The following PACSIN2 variants were observed in gnomAD, a reference collection of about 807,000 sequenced individuals.
PACSIN2 encodes the protein protein kinase C and casein kinase substrate in neurons 2.
In PACSIN2, 25 loss-of-function variants were observed where a neutral mutation model predicts 63.8. The observed-to-expected ratio is 0.39, with a 90% confidence interval of 0.29 to 0.55. PACSIN2 has a LOEUF of 0.55. Ranked by LOEUF, PACSIN2 falls within the 20% of genes least tolerant of loss-of-function variation. The pLI is 0.62. For synonymous variants in PACSIN2, 255 were observed against 256.2 expected (o/e 1.00, Z 0.05); for missense variants, 518 against 646.9 (o/e 0.80, Z 2.16).
intron 2 of PACSIN2, among the ~76,000 whole-genome samples, chr22:42,910,158 C>A (rs932006978): frequency 2.0e-5 from 3 of 152,186 alleles, no homozygotes; most frequent in African/African-American, 7.2e-5. Flanking sequence ...AATGTCTTCA[C>A]CTGTCCCCAT....
chr22:42,932,970 G>A (rs985567080), intron 1 of PACSIN2, among the ~76,000 whole-genome samples: 1 of 152,220 alleles, frequency 6.6e-6, no homozygotes, highest in Non-Finnish European at 1.5e-5. Context: ...GTTAGGAGAC[G>A]AAATGTCCAA....
intron 1 of PACSIN2, among the ~76,000 whole-genome samples, chr22:42,981,755 G>A (rs1922163260): frequency 1.7e-5 from 2 of 117,544 alleles, no homozygotes; most frequent in African/African-American, 6.8e-5. Flanking sequence ...CCGGCCAGTC[G>A]CCCCGTCCAG....
At chr22:42,897,917 T>C (rs1009418228) in intron 2 of PACSIN2, among the ~76,000 whole-genome samples, 2 of 151,832 alleles carry the variant, frequency 1.3e-5, no homozygotes, top group Admixed American at 6.6e-5. Flanking sequence ...AGAAGTCAGC[T>C]GGGAATGGAA....
chr22:42,893,730 C>T (rs1569233457), intron 2 of PACSIN2, 117 bp from the exon 3 acceptor site: 3 of 944,016 alleles, frequency 3.2e-6, no homozygotes, highest in Non-Finnish European at 3.3e-6. Context: ...ATGTTTACCA[C>T]ACCCCTCTCC....
chr22:42,889,573 A>G (rs1929755813), intron 4 of PACSIN2, among the ~76,000 whole-genome samples: 1 of 152,154 alleles, frequency 6.6e-6, no homozygotes, highest in African/African-American at 2.4e-5. Flanking sequence ...AGAAAAGGAG[A>G]CACAGAGAAA....
chr22:42,936,257 C>T (rs1321321881), intron 1 of PACSIN2, among the ~76,000 whole-genome samples: 2 of 151,082 alleles, frequency 1.3e-5, no homozygotes, highest in Admixed American at 1.3e-4. Context: ...ACTCATGAAA[C>T]AGGGATGACA....
At chr22:42,989,412 C>T (rs768427201) in intron 1 of PACSIN2, among the ~76,000 whole-genome samples, 100 of 150,808 alleles carry the variant, frequency 6.6e-4, no homozygotes, top group Non-Finnish European at 1.3e-3. Context: ...GCAGGAGAAT[C>T]GCTTGAACCT....
intron 1 of PACSIN2, among the ~76,000 whole-genome samples, chr22:42,982,877 A>ACAAAAAACAAAAAAC (rs1309806479): frequency 7.7e-6 from 1 of 129,588 alleles, no homozygotes; most frequent in African/African-American, 3.1e-5. Context: ...AATAAAAAAA[A>ACAAAAAACAAAAAAC]AAAAAAAAAA....
At chr22:42,994,233 G>T (rs548000122) in intron 1 of PACSIN2, among the ~76,000 whole-genome samples, 47 of 152,338 alleles carry the variant, frequency 3.1e-4, no homozygotes, top group African/African-American at 1.1e-3. Context: ...GTGGTAAGAA[G>T]GGCTGAGCAG....
intron 1 of PACSIN2, among the ~76,000 whole-genome samples, chr22:42,977,901 A>C (rs1423871243): frequency 1.3e-5 from 2 of 152,186 alleles, no homozygotes; most frequent in African/African-American, 4.8e-5. Flanking sequence ...GAGTCAATTA[A>C]ACCTCTTTTC....
At chr22:43,013,064 T>A (rs941299581) in intron 1 of PACSIN2, among the ~76,000 whole-genome samples, 1 of 152,208 alleles carries the variant, frequency 6.6e-6, no homozygotes, top group African/African-American at 2.4e-5. Flanking sequence ...AGTGCTGGGA[T>A]CCCAGGCGTG....
chr22:42,890,704 G>C (rs1193929936), intron 4 of PACSIN2, among the ~76,000 whole-genome samples: 1 of 152,176 alleles, frequency 6.6e-6, no homozygotes, highest in Non-Finnish European at 1.5e-5. Context: ...GAGAGAGTGA[G>C]ACTTTGTCTC....
intron 1 of PACSIN2, among the ~76,000 whole-genome samples, chr22:43,003,133 TG>T (rs1923869472): frequency 6.6e-6 from 1 of 152,212 alleles, no homozygotes; most frequent in African/African-American, 2.4e-5. Flanking sequence ...GGTACAAAGT[TG>T]GCAGGGAATA....
intron 1 of PACSIN2, among the ~76,000 whole-genome samples, chr22:42,935,011 G>T (rs572038202): frequency 6.3e-4 from 95 of 151,890 alleles, no homozygotes; most frequent in Middle Eastern, 3.4e-3. Flanking sequence ...CACCTCCCAG[G>T]TTCACGCCAT....
chr22:42,955,020 T>G (rs1933854363), intron 1 of PACSIN2, among the ~76,000 whole-genome samples: 1 of 152,206 alleles, frequency 6.6e-6, no homozygotes, highest in African/African-American at 2.4e-5. Flanking sequence ...CTGCTTCTCT[T>G]GGGTACCTGA....
At position 42,912,072 on chromosome 22, in the gene PACSIN2, G is replaced by C. The variant is rs1277881131; in HGVS notation, c.9C>G (p.Val3=). The C allele has an allele frequency of 6.3e-7, 1 of 1,598,224 alleles. No individual in the cohort carries two copies. Among genetic ancestry groups the C allele is most frequent in the East Asian group, 2.3e-5 (1 of 43,740 alleles). The change falls in exon 2 of 11, where the codon GTC becomes GTG. Residue 3 remains valine (V), a synonymous_variant. Transcript: ENST00000263246. MS[V]TYDDSVGVEV... is the part of the protein sequence containing the mutation. ...CTACTCCAACGGAATCATCATATGT[G>C]ACAGACATTTTTTCAAAGGCTGAGG...
At chr22:42,873,248 A>G (rs536855534) in intron 10 of PACSIN2, among the ~76,000 whole-genome samples, 18 of 152,364 alleles carry the variant, frequency 1.2e-4, no homozygotes, top group African/African-American at 4.1e-4. Flanking sequence ...AATTACTGTC[A>G]AACCCAATAG....
chr22:42,973,943 T>C (rs1236170944), intron 1 of PACSIN2, among the ~76,000 whole-genome samples: 1 of 152,242 alleles, frequency 6.6e-6, no homozygotes, highest in African/African-American at 2.4e-5. Context: ...AACAGAAGCG[T>C]AGCCTTAACT....
intron 1 of PACSIN2, among the ~76,000 whole-genome samples, chr22:43,006,468 C>A (rs1324630368): frequency 6.6e-6 from 1 of 152,202 alleles, no homozygotes; most frequent in Non-Finnish European, 1.5e-5. Flanking sequence ...TCTGTAGGAA[C>A]TAACAGTGAA....
Sources: gnomAD v4.1 joint callset for allele counts (sites outside exome capture counted in the v4.1 genomes callset) on GRCh38, gnomAD v4.1.1 for gene constraint, MANE v1.5 for transcripts, NCBI Gene and HGNC (gene_info 2026-07-23, HGNC 2026-07-21) for gene names.